Variants in TRIM22 observed in about 807,000 individuals in gnomAD.
TRIM22 encodes tripartite motif containing 22, also known as E3 ubiquitin-protein ligase TRIM22.
TRIM22 carries 45 observed loss-of-function variants against 53.6 expected under a neutral mutation model. The observed-to-expected ratio is 0.84, with a 90% CI of 0.66 to 1.08. TRIM22 has a LOEUF of 1.08. Among genes scored for constraint, TRIM22 ranks in the 50% least tolerant of loss-of-function variants. TRIM22 has a pLI of 0.00. For missense variants in TRIM22, 616 were observed against 590.9 expected, an observed-to-expected ratio of 1.04 and a Z score of -0.44; for synonymous variants, 225 against 216.6, an observed-to-expected ratio of 1.04 and a Z score of -0.34.
intron 2 of TRIM22, 149 bp from the exon 3 acceptor site, chr11:5,697,099 T>A (rs953378903): frequency 8.4e-6 from 5 of 597,344 alleles, no homozygotes; most frequent in African/African-American, 1.9e-5. Flanking sequence ...CTCCTCAGAT[T>A]TTCCCCCATG....
At chr11:5,708,106 G>C in intron 5 of TRIM22, 67 bp from the exon 6 acceptor site, 1 of 1,282,406 alleles carries the variant, frequency 7.8e-7, no homozygotes, top group Non-Finnish European at 1.1e-6. Flanking sequence ...AGGTGAAAGA[G>C]ACAGTGATCT....
intron 2 of TRIM22, chr11:5,696,890 G>A (rs1853272727): frequency 3.7e-6 from 2 of 540,682 alleles, no homozygotes; most frequent in Non-Finnish European, 6.4e-6. Context: ...ATGGAGAATT[G>A]CTTTGTAAGA....
rs369916228 is a variant in TRIM22, at chr11:5,709,339, A to G, written c.1188A>G (p.Lys396=). 2.2e-4 allele frequency: 348 copies of G among 1,614,032 alleles called. No homozygotes were observed. Among genetic ancestry groups the G allele is most frequent in the Non-Finnish European group, 2.8e-4 (329 of 1,180,030 alleles). The part of the protein sequence containing the change: ...FAFDPSVNYS[K]VYSRYRPQYG... ...TTGATCCAAGTGTAAATTATTCAAAAGTTTACTCCAGATATAGACCTCAAT... is the reference window on the plus strand; with the variant it reads ...TTGATCCAAGTGTAAATTATTCAAAGGTTTACTCCAGATATAGACCTCAAT... The change falls in exon 8 of 8, where the codon AAA becomes AAG. Residue 396 remains lysine, a synonymous_variant. Transcript: ENST00000379965.
chr11:5,705,300 A>C (rs967631081), intron 4 of TRIM22, among the ~76,000 whole-genome samples: 1 of 152,182 alleles, frequency 6.6e-6, no homozygotes, highest in East Asian at 1.9e-4. Flanking sequence ...AGGGATAATA[A>C]TTTAAACCAG....
At chr11:5,708,700 C>A in intron 7 of TRIM22, 97 bp downstream of exon 7, 1 of 1,076,170 alleles carries the variant, frequency 9.3e-7, no homozygotes, top group Non-Finnish European at 1.3e-6. Context: ...CCCAAACATG[C>A]TTAAACCATG....
chr11:5,706,278 T>A (rs1260748485), intron 4 of TRIM22, among the ~76,000 whole-genome samples: 4 of 152,194 alleles, frequency 2.6e-5, no homozygotes, highest in African/African-American at 9.7e-5. Context: ...TTGTCCCCAG[T>A]CTGTGACCAT....
chr11:5,708,366 AGAG>A (rs1346767198), intron 6 of TRIM22, 93 bp downstream of exon 6: 1 of 1,211,660 alleles, frequency 8.3e-7, no homozygotes, highest in Non-Finnish European at 1.2e-6. Context: ...AGGATATAGG[AGAG>A]GAGGTGGGCC....
In TRIM22 at chr11:5,709,879, C is replaced by T. The variant is rs1853531425; in HGVS notation, c.*231C>T. On this transcript the variant is annotated 3_prime_UTR_variant, in exon 8 of 8. Transcript: ENST00000379965. ...GGCTGGAAATCCCAAATCTAGATTC[C>T]AGCAGAGTTGGTTCTTTCTGAGGTC... 1 of 514,372 alleles carries T rather than the reference C, an allele frequency of 1.9e-6. No homozygotes were observed. Among genetic ancestry groups the T allele is most frequent in the Admixed American group, 3.5e-5 (1 of 28,844 alleles). 31.9% of individuals were successfully genotyped at this position (514,372 alleles called of 1,614,324 possible).
At chr11:5,690,918 C>G (rs951782725) in intron 1 of TRIM22, 1 of 152,248 alleles carries the variant, frequency 6.6e-6, no homozygotes, top group Non-Finnish European at 1.5e-5. Flanking sequence ...AAGTAAGGCC[C>G]TTTTGAAGGT....
chr11:5,697,000 G>C, intron 2 of TRIM22: 1 of 511,270 alleles, frequency 2.0e-6, no homozygotes, highest in Non-Finnish European at 3.4e-6. Flanking sequence ...CCTTACTGCA[G>C]GGTCTGCTTT....
chr11:5,701,214 A>C (rs4525262), intron 4 of TRIM22, among the ~76,000 whole-genome samples: 88,898 of 151,866 alleles, frequency 0.59, 26,191 homozygotes, highest in Admixed American at 0.63. Context: ...TGCTGACCTC[A>C]TAGAATGTGT....
chr11:5,698,981 C>T (rs766403040), intron 4 of TRIM22, among the ~76,000 whole-genome samples: 1 of 152,198 alleles, frequency 6.6e-6, no homozygotes, highest in African/African-American at 2.4e-5. Context: ...TAGTCTTTTG[C>T]ATCTGGCATC....
At chr11:5,699,713 T>C (rs928846496) in intron 4 of TRIM22, among the ~76,000 whole-genome samples, 7 of 147,898 alleles carry the variant, frequency 4.7e-5, no homozygotes, top group South Asian at 2.1e-4. Context: ...TTGTTAATAC[T>C]TGATTATTTC....
chr11:5,699,530 C>CAAAAAAAA lies in TRIM22; in HGVS notation c.750+1017_750+1024dup, dbSNP rs71053298. Among the ~76,000 whole-genome samples the CAAAAAAAA allele has an allele frequency of 6.3e-4, 18 of 28,544 alleles. 3 individuals are homozygous for CAAAAAAAA. Among genetic ancestry groups the CAAAAAAAA allele is most frequent in the Admixed American group, 7.2e-4 (1 of 1,384 alleles). The allele number at this position is 28,544 out of a possible 152,430, so 18.7% of individuals were successfully genotyped here. ...TGGGCGACAGAGCGAGACTCCGTCT[C>CAAAAAAAA]AAAAAAAAAAAAAAAAAAAAAAAAA... is the stretch of plus-strand genomic sequence containing the variant. On this transcript the variant is annotated intron_variant, in intron 4 of 7. Transcript: ENST00000379965.
In TRIM22 at chr11:5,709,464, T is replaced by C. The variant is rs891893909; in HGVS notation, c.1313T>C (p.Val438Ala). Residue 438 changes from valine (V) to alanine (A), a missense_variant, in exon 8 of 8, where the codon GTG becomes GCG. By Grantham distance (64) the Val-to-Ala change is moderately conservative (BLOSUM62 0). Transcript: ENST00000379965. ...AAGGTTTTGACTCTCTTTATGGCTG[T>C]GCCTCCCTGTCGTATTGGGGTTTTC... is the stretch of plus-strand genomic sequence containing the variant. ...DPKVLTLFMA[V>A]PPCRIGVFLD... 6.2e-7 allele frequency: 1 copy of C among 1,614,232 alleles called. No individual in the cohort carries two copies. Among genetic ancestry groups the C allele is most frequent in the African/African-American group, 1.3e-5 (1 of 75,060 alleles).
chr11:5,700,436 T>C (rs1413080819), intron 4 of TRIM22, among the ~76,000 whole-genome samples: 1 of 152,036 alleles, frequency 6.6e-6, no homozygotes, highest in Non-Finnish European at 1.5e-5. Context: ...TAGTTTTTAT[T>C]TGTCTTTGCT....
chr11:5,696,274 C>T lies in TRIM22; in HGVS notation c.42C>T (p.Thr14=). The change falls in exon 2 of 8, where the codon ACC becomes ACT. Residue 14 remains threonine, a synonymous_variant. Transcript: ENST00000379965. ...SVKVDIEKEV[T]CPICLELLTE... ...AGGTAGACATAGAGAAGGAGGTGAC[C>T]TGCCCCATCTGCCTGGAGCTCCTGA... 1 of 1,613,836 alleles carries T rather than the reference C, an allele frequency of 6.2e-7. No homozygotes were observed. Among genetic ancestry groups the T allele is most frequent in the Non-Finnish European group, 8.5e-7 (1 of 1,179,838 alleles).
Position 5,697,699 on chromosome 11 carries a change from T to TTCTGTTTG in TRIM22, c.519+357_519+358insCTGTTTGT, listed in dbSNP as rs1554942969. Reference sequence around the variant, plus strand: ...TTAGGGGGTTTCAGTAGGGGGATTTTTTTGTTTGTTTGTTTGTTTTTTGAG... The same window carrying TTCTGTTTG: ...TTAGGGGGTTTCAGTAGGGGGATTTTTCTGTTTGTTTGTTTGTTTGTTTGTTTTTTGAG... On this transcript the variant is annotated intron_variant, in intron 3 of 7. Transcript: ENST00000379965. 1.6e-5 allele frequency: 3 copies of TTCTGTTTG among 188,574 alleles called. No homozygotes were observed. The East Asian group carries it at 3.3e-4, about 21-fold the overall frequency. 11.7% of individuals were successfully genotyped at this position (188,574 alleles called of 1,614,324 possible).
At chr11:5,693,189 C>CTTTT (rs55820335) in intron 1 of TRIM22, among the ~76,000 whole-genome samples, 26 of 125,598 alleles carry the variant, frequency 2.1e-4, no homozygotes, top group Admixed American at 1.1e-3. Context: ...GCCTGGCCAT[C>CTTTT]TTTTTTTTTT....
Sources: gnomAD v4.1 joint callset for allele counts (sites outside exome capture counted in the v4.1 genomes callset) on GRCh38, gnomAD v4.1.1 for gene constraint, MANE v1.5 for transcripts, NCBI Gene and HGNC (gene_info 2026-07-23, HGNC 2026-07-21) for gene names.